GLI3: variants seen among roughly 807,000 people sequenced by gnomAD.
GLI3 encodes GLI family zinc finger 3.
Under a neutral mutation model 100.8 loss-of-function variants are expected in GLI3, and 20 were observed. The observed-to-expected ratio is 0.20, with a 90% confidence interval of 0.14 to 0.29. GLI3 has a LOEUF of 0.29. GLI3 is among the 10% of genes least tolerant of loss of function. The pLI is 1.00. For synonymous variants in GLI3, 938 were observed against 860.5 expected, an observed-to-expected ratio of 1.09 and a Z score of -1.58; for missense variants, 2,040 against 2,128.5, an observed-to-expected ratio of 0.96 and a Z score of 0.82.
At chr7:42,149,591 G>A (rs1786807990) in intron 2 of GLI3, among the ~76,000 whole-genome samples, 1 of 152,146 alleles carries the variant, frequency 6.6e-6, no homozygotes, top group Non-Finnish European at 1.5e-5. Flanking sequence ...TGGCAGATAA[G>A]TGCTGATGGA....
upstream of GLI3, among the ~76,000 whole-genome samples, chr7:42,242,085 A>G (rs1403535717): frequency 1.3e-5 from 2 of 152,032 alleles, no homozygotes; most frequent in Non-Finnish European, 2.9e-5. Context: ...TGTCTCTTCT[A>G]TCCCTCTGAG....
Position 42,199,202 on chromosome 7 carries a change from G to A in GLI3, c.124+23928C>T, listed in dbSNP as rs546097217. On this transcript the variant is annotated intron_variant, in intron 2 of 14. Transcript: ENST00000395925. ...TTAGATGTGGTTTTAGCTACTCACCGCAAAGCTGGGTTACTAACATTTCTA... is the reference window on the plus strand; with the variant it reads ...TTAGATGTGGTTTTAGCTACTCACCACAAAGCTGGGTTACTAACATTTCTA... 5.9e-5 allele frequency among the ~76,000 whole-genome samples: 9 copies of A among 152,294 alleles called. No individual in the cohort carries two copies. The East Asian group carries it at 9.6e-4, about 16-fold the overall frequency.
chr7:42,239,601 A>G (rs1788903304), upstream of GLI3, among the ~76,000 whole-genome samples: 1 of 152,240 alleles, frequency 6.6e-6, no homozygotes, highest in African/African-American at 2.4e-5. Context: ...CCAATAAATC[A>G]TCAAATAATA....
intron 2 of GLI3, among the ~76,000 whole-genome samples, chr7:42,220,360 AAGAGGGAC>A (rs1161296343): frequency 6.6e-6 from 1 of 152,166 alleles, no homozygotes; most frequent in Non-Finnish European, 1.5e-5. Context: ...AAAAGATAGG[AAGAGGGAC>A]AGAGGGACAG....
intron 9 of GLI3, 69 bp from the exon 10 acceptor site, chr7:42,023,677 A>G: frequency 1.4e-6 from 2 of 1,447,820 alleles, no homozygotes; most frequent in East Asian, 4.5e-5. Context: ...GAGGGAAGAC[A>G]AGAAGAGAAA....
intron 2 of GLI3, among the ~76,000 whole-genome samples, chr7:42,199,662 C>A (rs893322019): frequency 6.6e-6 from 1 of 152,194 alleles, no homozygotes; most frequent in African/African-American, 2.4e-5. Context: ...AGCTGGACAA[C>A]ATGGTGAGCT....
At chr7:42,251,631 TG>T (rs1346741539) in intron 1 of GLI3, among the ~76,000 whole-genome samples, 2 of 152,104 alleles carry the variant, frequency 1.3e-5, no homozygotes, top group Non-Finnish European at 2.9e-5. Flanking sequence ...AGCTGGCATT[TG>T]GGGGTTCCTA....
intron 2 of GLI3, among the ~76,000 whole-genome samples, chr7:42,202,046 C>T (rs1170674239): frequency 2.9e-5 from 4 of 139,752 alleles, no homozygotes; most frequent in Non-Finnish European, 6.0e-5. Context: ...CACGCCACTG[C>T]ACTCCAGCCT....
At chr7:42,250,190 C>A (rs182504265) in intron 1 of GLI3, among the ~76,000 whole-genome samples, 1 of 152,168 alleles carries the variant, frequency 6.6e-6, no homozygotes, top group African/African-American at 2.4e-5. Flanking sequence ...TGAAGGCTTA[C>A]CCAAGACTTG....
At chr7:42,224,746 A>T (rs1291474904) in intron 1 of GLI3, among the ~76,000 whole-genome samples, 2 of 152,258 alleles carry the variant, frequency 1.3e-5, no homozygotes, top group African/African-American at 2.4e-5. Flanking sequence ...TTCCGAGTGC[A>T]GCCACCGTGC....
chr7:42,089,779 T>C (rs572687800), intron 3 of GLI3, among the ~76,000 whole-genome samples: 1 of 152,366 alleles, frequency 6.6e-6, no homozygotes, highest in South Asian at 2.1e-4. Context: ...CTAGTAAGAC[T>C]TAACTCTGTT....
chr7:42,067,313 G>C lies in GLI3; in HGVS notation c.473+9439C>G, dbSNP rs530679307. Among the ~76,000 whole-genome samples, 17 of 152,280 alleles carry C rather than the reference G, an allele frequency of 1.1e-4. No individual in the cohort carries two copies. In the East Asian group the frequency reaches 2.7e-3, roughly 24 times the overall value. On this transcript the variant is annotated intron_variant, in intron 4 of 14. Coordinates refer to ENST00000395925, the MANE Select transcript of GLI3 (RefSeq NM_000168.6). ...GATTTTGCTCTGTGGGGGAACCAGAGATTACTTTGAACAGAGGCAAGAAGC... is the reference window on the plus strand; with the variant it reads ...GATTTTGCTCTGTGGGGGAACCAGACATTACTTTGAACAGAGGCAAGAAGC...
intron 1 of GLI3, among the ~76,000 whole-genome samples, chr7:42,245,836 G>C (rs1258748724): frequency 6.6e-6 from 1 of 150,818 alleles, no homozygotes; most frequent in African/African-American, 2.4e-5. Flanking sequence ...GTAGTTCCAG[G>C]ATAGGATCGC....
At position 42,184,236 on chromosome 7, in the gene GLI3, CT is replaced by C. The variant is rs760939688; in HGVS notation, c.125-35769del. ...TCATCTCCTTCCCCTCGTCTCTGCT[CT>C]GGCCAGTCTCTGTTTCTGTTGTGAA... is the stretch of plus-strand genomic sequence containing the variant. On this transcript the variant is annotated intron_variant, in intron 2 of 14. Coordinates refer to ENST00000395925, the MANE Select transcript of GLI3 (RefSeq NM_000168.6). 3.1e-3 allele frequency among the ~76,000 whole-genome samples: 477 copies of C among 152,362 alleles called. 3 individuals carry two copies. The highest frequency in any genetic ancestry group is 3.2e-3 in the Non-Finnish European group (216 of 68,026).
intron 4 of GLI3, among the ~76,000 whole-genome samples, chr7:42,050,457 G>A (rs909043677): frequency 6.6e-6 from 1 of 152,184 alleles, no homozygotes; most frequent in Non-Finnish European, 1.5e-5. Context: ...CAGCCCCTAA[G>A]CTCCATTTAG....
chr7:42,064,211 T>C lies in GLI3; in HGVS notation c.473+12541A>G, dbSNP rs981296772. Among the ~76,000 whole-genome samples the C allele has an allele frequency of 1.1e-4, 16 of 152,268 alleles. No individual in the cohort carries two copies. In the East Asian group the frequency reaches 1.2e-3, roughly 11 times the overall value. On this transcript the variant is annotated intron_variant, in intron 4 of 14. Transcript: ENST00000395925. ...TTATGGCTTAGGGAGAAAAATGGCA[T>C]GTGGGCATGCATGTGTCAGGGCCAC...
chr7:41,992,687 A>G (rs1193084457), intron 10 of GLI3, among the ~76,000 whole-genome samples: 2 of 152,172 alleles, frequency 1.3e-5, no homozygotes, highest in Admixed American at 1.3e-4. Context: ...AAGAAAGTAA[A>G]GGAGAGAACA....
chr7:42,121,670 G>A (rs1786003133), intron 3 of GLI3, among the ~76,000 whole-genome samples: 1 of 152,036 alleles, frequency 6.6e-6, no homozygotes, highest in African/African-American at 2.4e-5. Context: ...GGGAGTGACA[G>A]CTTCCAGTTT....
At chr7:42,083,922 G>C (rs1785048546) in intron 3 of GLI3, among the ~76,000 whole-genome samples, 1 of 152,158 alleles carries the variant, frequency 6.6e-6, no homozygotes, top group East Asian at 1.9e-4. Context: ...CTAAGCATTT[G>C]AAAATTGAAG....
Sources: gnomAD v4.1 joint callset for allele counts (sites outside exome capture counted in the v4.1 genomes callset) on GRCh38, gnomAD v4.1.1 for gene constraint, MANE v1.5 for transcripts, NCBI Gene and HGNC (gene_info 2026-07-23, HGNC 2026-07-21) for gene names.